The following GRM7 variants were observed in gnomAD, a reference collection of about 807,000 sequenced individuals.
The protein encoded by GRM7 is glutamate metabotropic receptor 7, also known as metabotropic glutamate receptor 7.
Under a neutral mutation model 84.5 loss-of-function variants are expected in GRM7, and 35 were observed. The ratio of observed to expected loss-of-function variants is 0.41; its 90% CI spans 0.32 to 0.55. The LOEUF (loss-of-function observed/expected upper bound fraction) is 0.55, where lower values mean the gene tolerates loss of function less well. GRM7 is among the 20% of genes least tolerant of loss of function. The probability of loss-of-function intolerance (pLI) is 0.19; values close to 1 mark genes in which losing one functional copy is unlikely to be tolerated. For synonymous variants in GRM7, 487 were observed against 455.1 expected, an observed-to-expected ratio of 1.07 and a Z score of -0.89; for missense variants, 1,003 against 1,194.6, an observed-to-expected ratio of 0.84 and a Z score of 2.36.
At chr3:7,031,704 T>C (rs1376876938) in intron 1 of GRM7, among the ~76,000 whole-genome samples, 1 of 152,204 alleles carries the variant, frequency 6.6e-6, no homozygotes, top group South Asian at 2.1e-4. Flanking sequence ...TATTGTACGT[T>C]GATTGTATGT....
chr3:7,659,477 T>TG (rs1699341459), intron 8 of GRM7, among the ~76,000 whole-genome samples: 1 of 151,780 alleles, frequency 6.6e-6, no homozygotes, highest in Non-Finnish European at 1.5e-5. Context: ...CATATGTAAA[T>TG]CAACAGCACC....
chr3:6,881,592 TTAA>T (rs1695510228), intron 1 of GRM7, among the ~76,000 whole-genome samples: 2 of 127,042 alleles, frequency 1.6e-5, no homozygotes, highest in South Asian at 3.1e-4. Flanking sequence ...CAAACAAATT[TTAA>T]AGAAAAAAAA....
At chr3:7,503,863 G>C (rs148372653) in intron 7 of GRM7, among the ~76,000 whole-genome samples, 1 of 151,978 alleles carries the variant, frequency 6.6e-6, no homozygotes, top group Non-Finnish European at 1.5e-5. Flanking sequence ...CAGAGCTAAG[G>C]CAACTTATAG....
At chr3:6,887,576 C>T (rs576214710) in intron 1 of GRM7, among the ~76,000 whole-genome samples, 11 of 152,164 alleles carry the variant, frequency 7.2e-5, no homozygotes, top group African/African-American at 2.4e-4. Flanking sequence ...TTTTTTATGG[C>T]TGCATAGTAT....
intron 7 of GRM7, among the ~76,000 whole-genome samples, chr3:7,474,159 C>T (rs1200613597): frequency 2.0e-5 from 3 of 152,130 alleles, no homozygotes; most frequent in Non-Finnish European, 2.9e-5. Context: ...ACCAAAATAG[C>T]ACAACCACTG....
chr3:7,624,576 G>A (rs1204927682), intron 8 of GRM7, among the ~76,000 whole-genome samples: 1 of 152,120 alleles, frequency 6.6e-6, no homozygotes. Flanking sequence ...AATGGCACAT[G>A]CTAGAACAGA....
At chr3:7,058,487 G>T (rs1016945911) in intron 1 of GRM7, among the ~76,000 whole-genome samples, 2 of 151,768 alleles carry the variant, frequency 1.3e-5, no homozygotes, top group African/African-American at 4.8e-5. Flanking sequence ...GTCAATATTT[G>T]ATTGTTGGCA....
intron 2 of GRM7, among the ~76,000 whole-genome samples, chr3:7,185,936 T>C (rs1385902052): frequency 6.6e-6 from 1 of 152,238 alleles, no homozygotes; most frequent in Non-Finnish European, 1.5e-5. Context: ...TGTAAGCTCA[T>C]TTTATTCCTG....
intron 4 of GRM7, among the ~76,000 whole-genome samples, chr3:7,322,440 T>G (rs28501459): frequency 0.052 from 7,977 of 152,054 alleles, 718 homozygotes; most frequent in African/African-American, 0.18. Flanking sequence ...CAGGTTTTTT[T>G]TTGTTGTTGT....
intron 1 of GRM7, among the ~76,000 whole-genome samples, chr3:7,128,568 C>T (rs145755907): frequency 0.015 from 1,642 of 106,920 alleles, 248 homozygotes; most frequent in African/African-American, 0.032. Flanking sequence ...AGTGCAGTGG[C>T]GCGATCTGTG....
intron 9 of GRM7, among the ~76,000 whole-genome samples, chr3:7,726,009 T>C (rs1486980398): frequency 6.6e-6 from 1 of 152,088 alleles, no homozygotes; most frequent in Non-Finnish European, 1.5e-5. Context: ...TAGGTACACA[T>C]TGTGTGGGGG....
chr3:6,954,157 C>T (rs898794364), intron 1 of GRM7, among the ~76,000 whole-genome samples: 6 of 152,102 alleles, frequency 3.9e-5, no homozygotes, highest in East Asian at 3.9e-4. Flanking sequence ...ATGCATAGAA[C>T]GTGTAATGAT....
intron 4 of GRM7, among the ~76,000 whole-genome samples, chr3:7,350,958 A>G (rs1333722930): frequency 6.6e-6 from 1 of 152,128 alleles, no homozygotes; most frequent in East Asian, 1.9e-4. Flanking sequence ...AGAAGATCAG[A>G]GTAAATCTCC....
intron 7 of GRM7, among the ~76,000 whole-genome samples, chr3:7,500,076 C>G (rs1218362788): frequency 6.6e-6 from 1 of 152,158 alleles, no homozygotes; most frequent in Non-Finnish European, 1.5e-5. Context: ...CTTTCTAATT[C>G]TCCTCCACCA....
At chr3:7,038,036 T>C (rs1696444135) in intron 1 of GRM7, among the ~76,000 whole-genome samples, 1 of 152,142 alleles carries the variant, frequency 6.6e-6, no homozygotes. Context: ...ATCATTTCAG[T>C]CAATAAAAAG....
chr3:7,257,196 G>C (rs576500080), intron 2 of GRM7, among the ~76,000 whole-genome samples: 10 of 152,208 alleles, frequency 6.6e-5, no homozygotes, highest in African/African-American at 1.7e-4. Flanking sequence ...TTATAAGAAG[G>C]GTGTTTTCTA....
chr3:7,527,892 A>G (rs1047490964), intron 7 of GRM7, among the ~76,000 whole-genome samples: 1 of 152,154 alleles, frequency 6.6e-6, no homozygotes. Flanking sequence ...ATTGTGTTGA[A>G]TTAACTTTCT....
chr3:7,706,906 C>T (rs1263724196), intron 9 of GRM7, among the ~76,000 whole-genome samples: 1 of 152,038 alleles, frequency 6.6e-6, no homozygotes, highest in Non-Finnish European at 1.5e-5. Flanking sequence ...GGAGGAGGCA[C>T]CCAGACCAGC....
At chr3:7,626,544 T>A (rs1019129161) in intron 8 of GRM7, among the ~76,000 whole-genome samples, 2 of 152,166 alleles carry the variant, frequency 1.3e-5, no homozygotes, top group East Asian at 3.9e-4. Flanking sequence ...TTCTGAGAGC[T>A]GTGAAAAAGA....
Sources: allele counts gnomAD v4.1 joint callset (sites outside exome capture counted in the v4.1 genomes callset), GRCh38; gene constraint gnomAD v4.1.1; transcripts MANE v1.5; gene names NCBI Gene and HGNC (gene_info 2026-07-23, HGNC 2026-07-21).